The following MARF1 variants were observed in gnomAD, a reference collection of about 807,000 sequenced individuals.
MARF1 encodes meiosis regulator and mRNA stability factor 1.
MARF1 carries 24 observed loss-of-function variants against 168.2 expected under a neutral mutation model. The observed-to-expected ratio is 0.14, with a 90% confidence interval of 0.10 to 0.20. The LOEUF (loss-of-function observed/expected upper bound fraction) is 0.20, where lower values mean the gene tolerates loss of function less well. MARF1 is among the 10% of genes least tolerant of loss of function. The pLI is 1.00. For missense variants in MARF1, 1,744 were observed against 2,143.6 expected, an observed-to-expected ratio of 0.81 and a Z score of 3.68; for synonymous variants, 868 against 822.4, an observed-to-expected ratio of 1.06 and a Z score of -0.95.
intron 7 of MARF1, among the ~76,000 whole-genome samples, chr16:15,629,640 CCATTAT>C (rs1486082545): frequency 6.6e-6 from 1 of 152,224 alleles, no homozygotes; most frequent in Non-Finnish European, 1.5e-5. Context: ...GGCTCCTTCT[CCATTAT>C]CATTAATTCT....
chr16:15,625,215 C>A, intron 8 of MARF1, 42 bp from the exon 9 acceptor site: 1 of 1,602,992 alleles, frequency 6.2e-7, no homozygotes, highest in Non-Finnish European at 8.5e-7. Context: ...TTTTAAGTAC[C>A]CAAGATGTGT....
rs762309513 is a variant in MARF1 at position 15,608,279 on chromosome 16, A to C, written c.4182+12T>G. 6.6e-5 allele frequency: 98 copies of C among 1,494,772 alleles called. No homozygotes were observed. In the African/African-American group the frequency reaches 9.0e-4, roughly 14 times the overall value. 92.6% of individuals were successfully genotyped at this position (1,494,772 alleles called of 1,614,324 possible). On this transcript the variant is annotated intron_variant, in intron 21 of 26. Coordinates refer to ENST00000396368, the MANE Select transcript of MARF1 (RefSeq NM_014647.4). ...ATGAGGGAAAAAAAAAAAAAAAAAA[A>C]AAAACATTTACCTTCACGACATGGC...
intron 7 of MARF1, among the ~76,000 whole-genome samples, chr16:15,626,126 A>C (rs919336591): frequency 6.6e-6 from 1 of 152,176 alleles, no homozygotes; most frequent in Non-Finnish European, 1.5e-5. Flanking sequence ...CACTGTCTCA[A>C]AAAATAAAAA....
Position 15,636,295 on chromosome 16 carries a change from T to C in MARF1, c.192A>G (p.Val64=), listed in dbSNP as rs781587350. 1 of 1,597,704 alleles carries C rather than the reference T, an allele frequency of 6.3e-7. No individual in the cohort carries two copies. Among genetic ancestry groups the C allele is most frequent in the South Asian group, 1.1e-5 (1 of 89,274 alleles). ...TAGAGCCAGCATGAAGGGGTGATGG[T>C]ACATCCTTTAGTTCCACAGCAACTT... ...NKKVAVELKD[V]PSPLHAGSKL... The change falls in exon 3 of 27, where the codon GTA becomes GTG. Residue 64 remains valine, a synonymous_variant. Coordinates refer to ENST00000396368, the MANE Select transcript of MARF1 (RefSeq NM_014647.4).
At position 15,610,708 on chromosome 16, in the gene MARF1, C is replaced by A. The variant is rs2033455990; in HGVS notation, c.3751+267G>T. On this transcript the variant is annotated intron_variant, in intron 19 of 26. Transcript: ENST00000396368. The stretch of plus-strand genomic sequence containing the variant: ...TAAGGCTCATGTAGCCACAGCCAGG[C>A]TGCAGAAGGCATTTGAGCAAAGTGC... 14 of 337,294 alleles carry A rather than the reference C, an allele frequency of 4.2e-5. No homozygotes were observed. In the South Asian group the frequency reaches 6.0e-4, roughly 14 times the overall value. The allele number at this position is 337,294 out of a possible 1,614,324, so 20.9% of individuals were successfully genotyped here.
intron 22 of MARF1, among the ~76,000 whole-genome samples, chr16:15,603,744 G>A (rs1394485358): frequency 1.4e-5 from 2 of 143,540 alleles, no homozygotes; most frequent in Admixed American, 1.5e-4. Context: ...CAATCTTGGA[G>A]CGCCATTCTT....
chr16:15,632,919 T>G (rs1480030307), intron 5 of MARF1, among the ~76,000 whole-genome samples: 1 of 152,092 alleles, frequency 6.6e-6, no homozygotes, highest in African/African-American at 2.4e-5. Context: ...TTAGTTTAAT[T>G]TGTAAATTGT....
intron 2 of MARF1, among the ~76,000 whole-genome samples, chr16:15,636,979 A>C (rs1459100205): frequency 1.3e-5 from 2 of 152,216 alleles, no homozygotes; most frequent in African/African-American, 2.4e-5. Flanking sequence ...AAAACTATCC[A>C]AGAAAAAGAT....
At chr16:15,622,034 T>C in intron 11 of MARF1, 123 bp from the exon 12 acceptor site, 1 of 815,270 alleles carries the variant, frequency 1.2e-6, no homozygotes, top group Non-Finnish European at 1.9e-6. Flanking sequence ...GGAGTATGTC[T>C]GAACTCTGCT....
At chr16:15,613,948 G>A (rs559767046) in intron 16 of MARF1, among the ~76,000 whole-genome samples, 1 of 152,298 alleles carries the variant, frequency 6.6e-6, no homozygotes, top group East Asian at 1.9e-4. Flanking sequence ...GAGGAAGTAT[G>A]TGTGTATACA....
chr16:15,635,495 G>C (rs1224789476), intron 3 of MARF1, 161 bp downstream of exon 3: 2 of 639,270 alleles, frequency 3.1e-6, no homozygotes, highest in East Asian at 5.5e-5. Flanking sequence ...CTTACCCTTT[G>C]TTTCTTTCAG....
In MARF1 at chr16:15,625,608, C is replaced by T; in HGVS notation, c.1717G>A (p.Val573Ile). Residue 573 changes from valine to isoleucine, a missense_variant, in exon 8 of 27, where the codon GTC becomes ATC. By Grantham distance (29) the Val-to-Ile change is conservative. Around this residue, in one of 7 missense-constraint regions of MARF1, gnomAD observed 270 missense variants for 260.6 expected, o/e 1.04. Coordinates refer to ENST00000396368, the MANE Select transcript of MARF1 (RefSeq NM_014647.4). ...GACACAATGATCCTATTACCAAAGA[C>T]ATCTTCGTTTTCCATTCGCTTCTGA... ...RAQKRMENED[V>I]FGNRIIVSFT... The T allele has an allele frequency of 6.2e-7, 1 of 1,614,216 alleles. No individual in the cohort carries two copies. The highest frequency in any genetic ancestry group is 1.1e-5 in the South Asian group (1 of 91,088).
At chr16:15,635,025 T>TA in intron 3 of MARF1, 94 bp from the exon 4 acceptor site, 1 of 1,069,020 alleles carries the variant, frequency 9.4e-7, no homozygotes, top group Non-Finnish European at 1.3e-6. Flanking sequence ...ACTCTAAGTG[T>TA]TTTACCTTTC....
At chr16:15,616,986 A>G (rs138906632) in intron 15 of MARF1, 66 bp downstream of exon 15, 16,839 of 1,554,732 alleles carry the variant, frequency 0.011, 110 homozygotes, top group Non-Finnish European at 0.013. Context: ...GTGGGCAGAA[A>G]GGGCAGGCTT....
intron 7 of MARF1, 129 bp downstream of exon 7, chr16:15,630,203 T>G (rs1237308438): frequency 9.7e-6 from 7 of 719,544 alleles, no homozygotes; most frequent in Middle Eastern, 2.6e-4. Context: ...TAAGCCTTAC[T>G]TCAAAATCTA....
At position 15,624,874 on chromosome 16, in the gene MARF1, T is replaced by C. The variant is rs2034726887; in HGVS notation, c.2165A>G (p.Asp722Gly). 2 of 1,614,104 alleles carry C rather than the reference T, an allele frequency of 1.2e-6. No individual in the cohort carries two copies. Among genetic ancestry groups the C allele is most frequent in the South Asian group, 1.1e-5 (1 of 91,082 alleles). The change falls in exon 10 of 27, where the codon GAT becomes GGT. Residue 722 changes from aspartate (D) to glycine (G), a missense_variant. Transcript: ENST00000396368. ...SVTSSPVEKK[D>G]KEETVFQVSY... Reference sequence around the variant, plus strand: ...CACTTGGAATACAGTCTCCTCTTTATCTTTTTTCTCTACAGGAGAACTGGT... The same window carrying C: ...CACTTGGAATACAGTCTCCTCTTTACCTTTTTTCTCTACAGGAGAACTGGT...
Position 15,621,713 on chromosome 16 carries a change from A to T in MARF1, c.2639+20T>A, listed in dbSNP as rs767740168. ...GGTCAAATGTTATTTCCTGAAATAA[A>T]CAGCTTGCTTGTTTCTTACCTCAGT... On this transcript the variant is annotated intron_variant, in intron 12 of 26. Coordinates refer to ENST00000396368, the MANE Select transcript of MARF1 (RefSeq NM_014647.4). The T allele has an allele frequency of 6.3e-6, 10 of 1,597,520 alleles. No individual in the cohort carries two copies. Among genetic ancestry groups the T allele is most frequent in the Non-Finnish European group, 8.5e-6 (10 of 1,173,468 alleles).
intron 4 of MARF1, 89 bp downstream of exon 4, chr16:15,634,668 G>T (rs2035468940): frequency 7.1e-6 from 9 of 1,263,278 alleles, no homozygotes; most frequent in African/African-American, 1.5e-5. Flanking sequence ...GAACCATAAG[G>T]AATCCTTCAA....
chr16:15,634,691 G>A (rs2035470293), intron 4 of MARF1, 66 bp downstream of exon 4: 11 of 1,452,328 alleles, frequency 7.6e-6, no homozygotes, highest in Non-Finnish European at 1.0e-5. Context: ...GTGATTAAAT[G>A]CAATGTTAGT....
Sources: allele counts gnomAD v4.1 joint callset (sites outside exome capture counted in the v4.1 genomes callset), GRCh38; gene constraint gnomAD v4.1.1; regional missense constraint gnomAD v4.1.1; transcripts MANE v1.5; gene names NCBI Gene and HGNC (gene_info 2026-07-23, HGNC 2026-07-21).